Variants in ARMC9 observed in about 807,000 individuals in gnomAD.
The protein encoded by ARMC9 is lisH domain-containing protein ARMC9.
ARMC9 carries 94 observed loss-of-function variants against 107.0 expected under a neutral mutation model. That is an observed-to-expected ratio of 0.88 (90% CI 0.74 to 1.04). ARMC9 has a LOEUF of 1.04. ARMC9 is among the 50% of genes least tolerant of loss of function. The pLI, the probability that ARMC9 is intolerant of heterozygous loss-of-function variation, is 0.00. For synonymous variants in ARMC9, 380 were observed against 396.9 expected (o/e 0.96, Z 0.51); for missense variants, 942 against 1,030.1 (o/e 0.91, Z 1.17).
chr2:231,336,242 CTT>C (rs61506828), intron 20 of ARMC9, among the ~76,000 whole-genome samples: 6,353 of 150,716 alleles, frequency 0.042, 174 homozygotes, highest in African/African-American at 0.064. Context: ...TCATAGTGAC[CTT>C]TAACAGTAAT....
In ARMC9 at chr2:231,368,019, T is replaced by C. The variant is rs192055178; in HGVS notation, c.2262-1934T>C. ...ATAAATTAAAATAAGTTAACTATTA[T>C]AATAATGACACAAAATATCAAAATA... On this transcript the variant is annotated intron_variant, in intron 23 of 24. Coordinates refer to ENST00000611582, the MANE Select transcript of ARMC9 (RefSeq NM_001352754.2). Among the ~76,000 whole-genome samples, 86 of 151,818 alleles carry C rather than the reference T, an allele frequency of 5.7e-4. No individual in the cohort carries two copies. In the East Asian group the frequency reaches 0.012, roughly 21 times the overall value.
chr2:231,370,719 C>T (rs1461197322), intron 24 of ARMC9: 1 of 192,424 alleles, frequency 5.2e-6, no homozygotes. Context: ...CTGTAAGGAC[C>T]ACTTCTTTGT....
At position 231,360,198 on chromosome 2, in the gene ARMC9, G is replaced by C. The variant is rs1312544012; in HGVS notation, c.2132-556G>C. Among the ~76,000 whole-genome samples, 1 of 152,078 alleles carries C rather than the reference G, an allele frequency of 6.6e-6. No individual in the cohort carries two copies. The highest frequency in any genetic ancestry group is 6.6e-5 in the Admixed American group (1 of 15,264). ...CCCGTGAAGGGCTCCTGCGTGTCCCGGGTGGCCTGGTTCTGGGTGGGCATC... is the reference window on the plus strand; with the variant it reads ...CCCGTGAAGGGCTCCTGCGTGTCCCCGGTGGCCTGGTTCTGGGTGGGCATC... On this transcript the variant is annotated intron_variant, in intron 22 of 24. Transcript: ENST00000611582. The surrounding 1 kb of genome is among the most constrained non-coding windows in gnomAD (Gnocchi z 4.7).
chr2:231,273,995 G>A (rs2039557292), intron 14 of ARMC9, among the ~76,000 whole-genome samples: 2 of 152,316 alleles, frequency 1.3e-5, no homozygotes, highest in South Asian at 4.1e-4. Context: ...CATGTAGTGT[G>A]CACTCTTTTG....
At chr2:231,243,537 C>T (rs955109264) in intron 9 of ARMC9, among the ~76,000 whole-genome samples, 1 of 152,176 alleles carries the variant, frequency 6.6e-6, no homozygotes, top group Admixed American at 6.5e-5. Flanking sequence ...CCTACCACCC[C>T]GACTGTTATG....
chr2:231,268,944 G>A (rs1239035711), intron 12 of ARMC9, among the ~76,000 whole-genome samples: 2 of 152,092 alleles, frequency 1.3e-5, no homozygotes, highest in Admixed American at 6.6e-5. Context: ...GCGTGCACCT[G>A]TAGTCCCAGC....
At chr2:231,262,732 G>T (rs2038491610) in intron 12 of ARMC9, among the ~76,000 whole-genome samples, 1 of 152,126 alleles carries the variant, frequency 6.6e-6, no homozygotes. Context: ...GCAAATTCAG[G>T]TTGTTTACAT....
chr2:231,245,406 G>A (rs901266463), intron 9 of ARMC9, among the ~76,000 whole-genome samples: 4 of 152,206 alleles, frequency 2.6e-5, no homozygotes, highest in East Asian at 1.9e-4. Context: ...GTCTGCTGTC[G>A]GGGTTTCACC....
intron 19 of ARMC9, among the ~76,000 whole-genome samples, chr2:231,324,348 G>C (rs1157492808): frequency 1.3e-5 from 2 of 150,698 alleles, no homozygotes; most frequent in Admixed American, 6.6e-5. Flanking sequence ...GGCTGGTCTT[G>C]AACGCCTGAC....
chr2:231,317,140 G>A (rs900842415), intron 19 of ARMC9, among the ~76,000 whole-genome samples: 7 of 151,330 alleles, frequency 4.6e-5, no homozygotes, highest in African/African-American at 1.7e-4. Context: ...CTAGGTGTGG[G>A]TTTTTCTGTG....
intron 8 of ARMC9, among the ~76,000 whole-genome samples, chr2:231,237,312 A>G (rs1332313797): frequency 1.3e-5 from 2 of 152,178 alleles, no homozygotes; most frequent in East Asian, 1.9e-4. Context: ...ATCTTTCCAT[A>G]TGACCAGATC....
At chr2:231,244,944 C>T (rs937373407) in intron 9 of ARMC9, among the ~76,000 whole-genome samples, 5 of 152,208 alleles carry the variant, frequency 3.3e-5, no homozygotes, top group African/African-American at 1.2e-4. Context: ...AGGAAGTCTC[C>T]CACTGACAGA....
chr2:231,235,928 C>T (rs1225877776), intron 8 of ARMC9, among the ~76,000 whole-genome samples: 1 of 152,196 alleles, frequency 6.6e-6, no homozygotes, highest in African/African-American at 2.4e-5. Flanking sequence ...AAATGTGAGC[C>T]ACTGCGCCTG....
rs1182801597 is a variant in ARMC9 at position 231,360,278 on chromosome 2, C to T, written c.2132-476C>T. On this transcript the variant is annotated intron_variant, in intron 22 of 24. Coordinates refer to ENST00000611582, the MANE Select transcript of ARMC9 (RefSeq NM_001352754.2). This position sits in a 1 kb window ranked among gnomAD's most constrained non-coding sequence, Gnocchi z 4.7. ...GCACTTCCTGGCCACCCTGGGTGTA[C>T]CGAGTGGTTCAGCATTAAGGAGCCT... is the stretch of plus-strand genomic sequence containing the variant. Among the ~76,000 whole-genome samples the T allele has an allele frequency of 1.3e-5, 2 of 152,248 alleles. No individual in the cohort carries two copies. Among genetic ancestry groups the T allele is most frequent in the Non-Finnish European group, 2.9e-5 (2 of 68,016 alleles).
rs532584474 is a variant in ARMC9, at chr2:231,216,738, C to G, written c.449C>G (p.Ala150Gly). The G allele has an allele frequency of 8.7e-6, 14 of 1,614,056 alleles. No homozygotes were observed. In the South Asian group the frequency reaches 1.4e-4, roughly 16 times the overall value. ...ACCACAGAGTTTCTTCCTTTCTATG[C>G]CCTTCCTTTTGTTCCCAACCCTATG... is the stretch of plus-strand genomic sequence containing the variant. ...SQTTEFLPFY[A>G]LPFVPNPMVH... is the part of the protein sequence containing the mutation. Residue 150 changes from alanine (A) to glycine (G), a missense_variant, in exon 5 of 25, where the codon GCC becomes GGC. Ala to Gly is a moderately conservative substitution (Grantham distance 60). Transcript: ENST00000611582.
intron 19 of ARMC9, among the ~76,000 whole-genome samples, chr2:231,319,734 G>A (rs1019611603): frequency 1.3e-5 from 2 of 152,052 alleles, no homozygotes; most frequent in African/African-American, 4.8e-5. Flanking sequence ...CCCAGCCTTC[G>A]GTCTCTGGCC....
At chr2:231,245,799 G>A (rs2036706974) in intron 9 of ARMC9, among the ~76,000 whole-genome samples, 2 of 152,222 alleles carry the variant, frequency 1.3e-5, no homozygotes, top group African/African-American at 4.8e-5. Context: ...GCAGTTGAAA[G>A]TGCCTTGGTT....
chr2:231,311,979 T>C (rs1426169814), intron 19 of ARMC9, among the ~76,000 whole-genome samples: 1 of 152,082 alleles, frequency 6.6e-6, no homozygotes, highest in East Asian at 1.9e-4. Flanking sequence ...TTTATATAAA[T>C]GGAGTTATTC....
chr2:231,204,364 C>T (rs1286247931), intron 1 of ARMC9, among the ~76,000 whole-genome samples: 1 of 152,030 alleles, frequency 6.6e-6, no homozygotes, highest in African/African-American at 2.4e-5. Context: ...CCCAATACCC[C>T]AAGACTGCAG....
Sources: gnomAD v4.1 joint callset for allele counts (sites outside exome capture counted in the v4.1 genomes callset) on GRCh38, gnomAD v4.1.1 for gene constraint, Gnocchi (gnomAD v3.1) non-coding constraint, MANE v1.5 for transcripts, NCBI Gene and HGNC (gene_info 2026-07-23, HGNC 2026-07-21) for gene names.